ZNF438: variants seen among roughly 807,000 people sequenced by gnomAD.
The protein encoded by ZNF438 is zinc finger protein 438.
Under a neutral mutation model 38.0 loss-of-function variants are expected in ZNF438, and 25 were observed. The observed-to-expected ratio is 0.66, with a 90% CI of 0.48 to 0.92. The LOEUF (loss-of-function observed/expected upper bound fraction) is 0.92. ZNF438 is among the 40% of genes least tolerant of loss of function. ZNF438 has a pLI of 0.00. For synonymous variants in ZNF438, 372 were observed against 364.1 expected, an observed-to-expected ratio of 1.02 and a Z score of -0.25; for missense variants, 1,007 against 999.6, an observed-to-expected ratio of 1.01 and a Z score of -0.10.
At chr10:30,937,120 C>T (rs1267433710) in intron 2 of ZNF438, among the ~76,000 whole-genome samples, 4 of 152,060 alleles carry the variant, frequency 2.6e-5, no homozygotes, top group Non-Finnish European at 5.9e-5. Flanking sequence ...GCCCAGTTAT[C>T]CCTTTGGATG....
chr10:30,854,469 A>AGAGT (rs1248031369), intron 4 of ZNF438, among the ~76,000 whole-genome samples: 1 of 152,208 alleles, frequency 6.6e-6, no homozygotes, highest in African/African-American at 2.4e-5. Context: ...AAGTGGTAAT[A>AGAGT]GAGTGATCAA....
At chr10:30,959,415 TG>T (rs2049218157) in intron 1 of ZNF438, among the ~76,000 whole-genome samples, 1 of 146,106 alleles carries the variant, frequency 6.8e-6, no homozygotes, top group African/African-American at 2.4e-5. Context: ...AGACTCAAAC[TG>T]CAACTCTTTC....
chr10:30,920,832 CA>C (rs1179560100), intron 2 of ZNF438: 1 of 152,144 alleles, frequency 6.6e-6, no homozygotes, highest in East Asian at 1.9e-4. Context: ...AACTCTTTAC[CA>C]CTGAAGAAAA....
Position 30,928,736 on chromosome 10 carries a change from G to C in ZNF438, c.-115+12839C>G. On this transcript the variant is annotated intron_variant, in intron 2 of 5. Coordinates refer to ENST00000413025, the Ensembl canonical transcript of ZNF438. ...TACCCTCCACTGTCCCCGAGTCCTG[G>C]TCTAGATTCTCTGTAGTTCCAATTT... Among the ~76,000 whole-genome samples the C allele has an allele frequency of 1.3e-5, 2 of 152,100 alleles. 1 individual carries two copies. The highest frequency in any genetic ancestry group is 2.9e-5 in the Non-Finnish European group (2 of 68,034).
intron 1 of ZNF438, among the ~76,000 whole-genome samples, chr10:31,023,059 T>C (rs751750049): frequency 5.5e-4 from 84 of 152,358 alleles, no homozygotes; most frequent in Non-Finnish European, 1.1e-3. Context: ...AACCTAATAC[T>C]TTATATAAAT....
chr10:31,014,617 T>C (rs894378991), intron 1 of ZNF438, among the ~76,000 whole-genome samples: 2 of 143,314 alleles, frequency 1.4e-5, no homozygotes, highest in Non-Finnish European at 3.1e-5. Context: ...AAGTAAAGCC[T>C]AGCGAGAATC....
At chr10:31,020,368 G>GA (rs2056503642) in intron 1 of ZNF438, among the ~76,000 whole-genome samples, 1 of 152,160 alleles carries the variant, frequency 6.6e-6, no homozygotes, top group African/African-American at 2.4e-5. Context: ...AAAAAAGGAC[G>GA]AATCAGGAGA....
At chr10:30,991,887 G>A (rs369910421) in intron 1 of ZNF438, among the ~76,000 whole-genome samples, 84 of 152,224 alleles carry the variant, frequency 5.5e-4, no homozygotes, top group African/African-American at 1.8e-3. Flanking sequence ...TGTCACTCGG[G>A]GGCTGAAGTA....
chr10:30,974,579 C>T (rs1301776315), intron 1 of ZNF438, among the ~76,000 whole-genome samples: 4 of 152,174 alleles, frequency 2.6e-5, no homozygotes, highest in Admixed American at 2.0e-4. Flanking sequence ...CTGCAACATG[C>T]GTCATGTCAC....
At chr10:30,913,905 T>C (rs534662479) in intron 2 of ZNF438, among the ~76,000 whole-genome samples, 1 of 152,246 alleles carries the variant, frequency 6.6e-6, no homozygotes, top group South Asian at 2.1e-4. Flanking sequence ...TGATGATTCA[T>C]CCAGTCTTAG....
At chr10:30,863,540 A>G (rs950193155) in intron 4 of ZNF438, among the ~76,000 whole-genome samples, 1 of 152,128 alleles carries the variant, frequency 6.6e-6, no homozygotes, top group Non-Finnish European at 1.5e-5. Context: ...TTCTCCATCA[A>G]TATGTTTATT....
intron 2 of ZNF438, among the ~76,000 whole-genome samples, chr10:30,940,319 C>A (rs138569356): frequency 6.6e-6 from 1 of 152,086 alleles, no homozygotes; most frequent in African/African-American, 2.4e-5. Context: ...TAAAGCTACA[C>A]GGTAAAATAT....
chr10:30,863,581 T>A (rs1425070110), intron 4 of ZNF438, among the ~76,000 whole-genome samples: 1 of 152,228 alleles, frequency 6.6e-6, no homozygotes, highest in East Asian at 1.9e-4. Context: ...AAACCTGGGT[T>A]GAAGGGAATA....
intron 1 of ZNF438, among the ~76,000 whole-genome samples, chr10:30,994,406 A>G (rs1455428659): frequency 6.6e-6 from 1 of 152,210 alleles, no homozygotes; most frequent in African/African-American, 2.4e-5. Context: ...GGATTAGTAG[A>G]TTAATAAGTT....
intron 2 of ZNF438, among the ~76,000 whole-genome samples, chr10:30,921,756 C>T (rs1410364580): frequency 6.6e-6 from 1 of 152,200 alleles, no homozygotes; most frequent in South Asian, 2.1e-4. Context: ...TCCGAGGCTG[C>T]TCTAATGCTT....
chr10:30,930,290 G>A (rs903727980), intron 2 of ZNF438, among the ~76,000 whole-genome samples: 97 of 152,124 alleles, frequency 6.4e-4, no homozygotes, highest in Non-Finnish European at 7.9e-4. Context: ...TGGGGGACCC[G>A]GTGCACCCTC....
chr10:30,988,561 T>C (rs896975249), intron 1 of ZNF438, among the ~76,000 whole-genome samples: 3 of 152,108 alleles, frequency 2.0e-5, no homozygotes, highest in African/African-American at 7.2e-5. Flanking sequence ...TTAGTACAAA[T>C]TATAGCTAAG....
chr10:30,972,300 T>A (rs1458495951), intron 1 of ZNF438, among the ~76,000 whole-genome samples: 1 of 152,202 alleles, frequency 6.6e-6, no homozygotes, highest in Non-Finnish European at 1.5e-5. Flanking sequence ...AAAGTTTACC[T>A]ATTTGAAATC....
chr10:30,929,558 T>C (rs1411195405), intron 2 of ZNF438, among the ~76,000 whole-genome samples: 1 of 152,070 alleles, frequency 6.6e-6, no homozygotes, highest in Non-Finnish European at 1.5e-5. Flanking sequence ...TTGCAAAGAG[T>C]GAAAGAACAA....
Sources: allele counts gnomAD v4.1 joint callset (sites outside exome capture counted in the v4.1 genomes callset), GRCh38; gene constraint gnomAD v4.1.1; transcripts MANE v1.5; gene names NCBI Gene and HGNC (gene_info 2026-07-23, HGNC 2026-07-21).